PTPRM: variants seen among roughly 807,000 people sequenced by gnomAD.
PTPRM encodes the protein protein tyrosine phosphatase receptor type M.
In PTPRM, 47 loss-of-function variants were observed where a neutral mutation model predicts 186.7. That is an observed-to-expected ratio of 0.25 (90% CI 0.20 to 0.32). PTPRM has a LOEUF of 0.32. Among genes scored for constraint, PTPRM ranks in the 10% least tolerant of loss-of-function variants. The probability of loss-of-function intolerance (pLI) is 1.00; values close to 1 mark genes in which losing one functional copy is unlikely to be tolerated. For synonymous variants in PTPRM, 668 were observed against 674.9 expected (o/e 0.99, Z 0.16); for missense variants, 1,494 against 1,865.0 (o/e 0.80, Z 3.66).
At chr18:7,761,272 T>G (rs1477775997) in intron 1 of PTPRM, among the ~76,000 whole-genome samples, 1 of 152,212 alleles carries the variant, frequency 6.6e-6, no homozygotes, top group Non-Finnish European at 1.5e-5. Context: ...AAAGCATGCT[T>G]TCTTTATGGC....
rs1476158 is a variant in PTPRM, at chr18:7,825,137, C to T, written c.196+50866C>T. On this transcript the variant is annotated intron_variant, in intron 2 of 32. Coordinates refer to ENST00000580170, the MANE Select transcript of PTPRM (RefSeq NM_001105244.2). ...GAGGAAATTCCCTAGGAAGAAGTGGCCGGGAGCCAGGAGGCTGAACTAAAT... is the reference window on the plus strand; with the variant it reads ...GAGGAAATTCCCTAGGAAGAAGTGGTCGGGAGCCAGGAGGCTGAACTAAAT... Among the ~76,000 whole-genome samples the T allele has an allele frequency of 2.7e-3, 411 of 152,244 alleles. 4 individuals carry two copies. The highest frequency in any genetic ancestry group is 0.025 in the East Asian group (130 of 5,168).
intron 2 of PTPRM, among the ~76,000 whole-genome samples, chr18:7,816,196 C>G (rs1360388119): frequency 6.6e-6 from 1 of 152,136 alleles, no homozygotes; most frequent in African/African-American, 2.4e-5. Context: ...TTTTCCCCAC[C>G]AAGTACTGGA....
At chr18:7,894,029 A>G (rs2049214046) in intron 3 of PTPRM, among the ~76,000 whole-genome samples, 1 of 152,160 alleles carries the variant, frequency 6.6e-6, no homozygotes. Flanking sequence ...AAACAAACAA[A>G]CAAAAAAACA....
At chr18:7,628,505 G>T (rs1037328217) in intron 1 of PTPRM, among the ~76,000 whole-genome samples, 1 of 152,154 alleles carries the variant, frequency 6.6e-6, no homozygotes, top group African/African-American at 2.4e-5. Context: ...TTTCTTAAAA[G>T]AATTAGATAT....
intron 1 of PTPRM, among the ~76,000 whole-genome samples, chr18:7,571,505 A>C (rs1450757351): frequency 1.3e-5 from 2 of 152,188 alleles, no homozygotes; most frequent in Admixed American, 6.5e-5. Context: ...AATACAATGA[A>C]GTGTTTAGTT....
chr18:7,822,090 A>C (rs1598891119), intron 2 of PTPRM, among the ~76,000 whole-genome samples: 1 of 152,218 alleles, frequency 6.6e-6, no homozygotes, highest in East Asian at 1.9e-4. Flanking sequence ...TCCTTCGTCA[A>C]ATATTATTTT....
chr18:7,759,806 A>T (rs75709831), intron 1 of PTPRM, among the ~76,000 whole-genome samples: 5,108 of 152,274 alleles, frequency 0.034, 317 homozygotes, highest in African/African-American at 0.12. Flanking sequence ...TTTGTTACAG[A>T]TGGAAAAATG....
At chr18:8,376,962 G>A (rs1004316900) in intron 26 of PTPRM, 9 of 192,070 alleles carry the variant, frequency 4.7e-5, no homozygotes, top group African/African-American at 1.9e-4. Flanking sequence ...AATAGTGGCT[G>A]AAGGGTTATC....
intron 22 of PTPRM, among the ~76,000 whole-genome samples, chr18:8,333,014 C>G (rs2095420196): frequency 6.6e-6 from 1 of 152,076 alleles, no homozygotes; most frequent in African/African-American, 2.4e-5. Flanking sequence ...TTTTAACAGG[C>G]CAGTTATATT....
intron 13 of PTPRM, among the ~76,000 whole-genome samples, chr18:8,115,639 A>G (rs1399615281): frequency 6.6e-6 from 1 of 152,230 alleles, no homozygotes; most frequent in Non-Finnish European, 1.5e-5. Flanking sequence ...TACAGTGGGA[A>G]GTTCTGTATG....
chr18:8,069,744 T>C lies in PTPRM; in HGVS notation c.1191T>C (p.Thr397=), dbSNP rs544860395. The C allele has an allele frequency of 4.3e-6, 7 of 1,613,986 alleles. No homozygotes were observed. In the African/African-American group the frequency reaches 6.7e-5, roughly 15 times the overall value. ...EVVEVKSRQI[T]IRWEPFGYNV... ...TGGAGGTCAAATCTCGGCAAATCAC[T>C]ATCCGCTGGGAGCCATTTGGATATA... Residue 397 remains threonine, a synonymous_variant, in exon 8 of 33, where the codon ACT becomes ACC. Coordinates refer to ENST00000580170, the MANE Select transcript of PTPRM (RefSeq NM_001105244.2).
At chr18:7,736,644 C>T (rs1235993883) in intron 1 of PTPRM, among the ~76,000 whole-genome samples, 3 of 152,170 alleles carry the variant, frequency 2.0e-5, no homozygotes, top group Non-Finnish European at 4.4e-5. Context: ...TTGATTTGAG[C>T]AAGCAAGGGG....
intron 31 of PTPRM, among the ~76,000 whole-genome samples, chr18:8,388,156 C>T (rs2095790024): frequency 2.0e-5 from 3 of 152,190 alleles, no homozygotes; most frequent in African/African-American, 4.8e-5. Flanking sequence ...TGTAGCTAAT[C>T]AACCAGCTGC....
intron 1 of PTPRM, among the ~76,000 whole-genome samples, chr18:7,608,204 T>C (rs182936892): frequency 5.1e-4 from 78 of 152,276 alleles, no homozygotes; most frequent in African/African-American, 1.6e-3. Context: ...AGTATTGAGA[T>C]GACTTGGGAA....
At chr18:8,213,298 G>A (rs189489443) in intron 14 of PTPRM, among the ~76,000 whole-genome samples, 30 of 152,332 alleles carry the variant, frequency 2.0e-4, no homozygotes, top group Non-Finnish European at 3.2e-4. Flanking sequence ...AGAACAGGCT[G>A]CAGAAGGTAA....
chr18:8,166,164 T>G (rs1325577030), intron 14 of PTPRM, among the ~76,000 whole-genome samples: 1 of 152,066 alleles, frequency 6.6e-6, no homozygotes, highest in Non-Finnish European at 1.5e-5. Flanking sequence ...TCTATGGGAG[T>G]GCCTTGGTGC....
At chr18:7,705,321 A>ATCTGTCTG (rs1470113131) in intron 1 of PTPRM, among the ~76,000 whole-genome samples, 17 of 143,076 alleles carry the variant, frequency 1.2e-4, no homozygotes, top group African/African-American at 4.3e-4. Context: ...CTATCTATCT[A>ATCTGTCTG]TCTATCTGTC....
At position 7,633,307 on chromosome 18, in the gene PTPRM, T is replaced by C. The variant is rs73387560; in HGVS notation, c.73+65416T>C. ...CCTTGATGAAATGGACTCTCTTTCA[T>C]GTATTCTGTGGTCGTGTTACCTAAT... On this transcript the variant is annotated intron_variant, in intron 1 of 32. Transcript: ENST00000580170. Among the ~76,000 whole-genome samples the C allele has an allele frequency of 3.1e-3, 475 of 152,326 alleles. 5 individuals carry two copies. The highest frequency in any genetic ancestry group is 0.011 in the African/African-American group (454 of 41,588).
intron 1 of PTPRM, among the ~76,000 whole-genome samples, chr18:7,578,159 G>T (rs910407687): frequency 6.6e-6 from 1 of 151,772 alleles, no homozygotes; most frequent in African/African-American, 2.4e-5. Context: ...TTATGATGAT[G>T]ATGATGATAA....
Sources: allele counts gnomAD v4.1 joint callset (sites outside exome capture counted in the v4.1 genomes callset), GRCh38; gene constraint gnomAD v4.1.1; transcripts MANE v1.5; gene names NCBI Gene and HGNC (gene_info 2026-07-23, HGNC 2026-07-21).